Variants in CLCN6 observed in about 807,000 individuals in gnomAD.
The protein encoded by CLCN6 is Cl-/H+ antiporter 6.
A neutral mutation model predicts 109.8 loss-of-function variants in CLCN6; 70 were observed. That is an observed-to-expected ratio of 0.64 (90% confidence interval 0.53 to 0.78). The LOEUF is 0.78. Among genes scored for constraint, CLCN6 ranks in the 30% least tolerant of loss-of-function variants. The pLI is 0.00. For missense variants in CLCN6, 984 were observed against 1,142.3 expected (o/e 0.86, Z 2.00); for synonymous variants, 444 against 447.8 (o/e 0.99, Z 0.11).
intron 2 of CLCN6, among the ~76,000 whole-genome samples, chr1:11,813,061 C>G (rs1644622807): frequency 6.6e-6 from 1 of 152,160 alleles, no homozygotes. Context: ...CCATTCATTC[C>G]CCACTAAGAA....
Position 11,838,462 on chromosome 1 carries a change from C to T in CLCN6, c.2403+20C>T. On this transcript the variant is annotated intron_variant, in intron 21 of 22. Coordinates refer to ENST00000346436, the MANE Select transcript of CLCN6 (RefSeq NM_001286.5). ...ATCGTGGTGAGAAGGGCTGCCCCGG[C>T]CTGTCCCATGCGGAGCTGCCTCTTC... is the stretch of plus-strand genomic sequence containing the variant. The T allele has an allele frequency of 6.2e-7, 1 of 1,613,150 alleles. No homozygotes were observed. Among genetic ancestry groups the T allele is most frequent in the South Asian group, 1.1e-5 (1 of 91,062 alleles).
chr1:11,829,641 C>T (rs1330735990), intron 13 of CLCN6, among the ~76,000 whole-genome samples: 2 of 144,980 alleles, frequency 1.4e-5, no homozygotes, highest in African/African-American at 2.6e-5. Context: ...ACCCTGGCGT[C>T]ACAGAGGGGA....
chr1:11,840,153 T>C lies in CLCN6; in HGVS notation c.2540T>C (p.Ile847Thr). The C allele has an allele frequency of 6.2e-7, 1 of 1,613,902 alleles. No homozygotes were observed. Residue 847 changes from isoleucine (I) to threonine (T), a missense_variant, in exon 23 of 23, where the codon ATC becomes ACC. Coordinates refer to ENST00000346436, the MANE Select transcript of CLCN6 (RefSeq NM_001286.5). ...TTCTCTTTGCCCTAGATCGTGGGGA[T>C]CATCACACGGCACAACCTCACCTAT... Reference protein sequence around the residue: ...VVNAVGEIVGIITRHNLTYEF... With the variant: ...VVNAVGEIVGTITRHNLTYEF...
chr1:11,823,086 AG>A (rs1460655646), intron 6 of CLCN6, among the ~76,000 whole-genome samples: 1 of 152,240 alleles, frequency 6.6e-6, no homozygotes, highest in East Asian at 1.9e-4. Flanking sequence ...CCTGGGTGAC[AG>A]GATCATTCAT....
Position 11,824,475 on chromosome 1 carries a change from A to G in CLCN6, c.581-11A>G. Reference sequence around the variant, plus strand: ...ACTGACTGTTGGTCTTTCCTTTTTCACCCTGCCCAGGGCTCTTCGTGGAGA... The same window carrying G: ...ACTGACTGTTGGTCTTTCCTTTTTCGCCCTGCCCAGGGCTCTTCGTGGAGA... On this transcript the variant is annotated splice_polypyrimidine_tract_variant and intron_variant, in intron 7 of 22. Coordinates refer to ENST00000346436, the MANE Select transcript of CLCN6 (RefSeq NM_001286.5). The G allele has an allele frequency of 6.2e-7, 1 of 1,609,014 alleles. No individual in the cohort carries two copies. The highest frequency in any genetic ancestry group is 8.5e-7 in the Non-Finnish European group (1 of 1,177,266).
chr1:11,824,750 C>T (rs1351762350), intron 8 of CLCN6, among the ~76,000 whole-genome samples, 197 bp downstream of exon 8: 2 of 152,150 alleles, frequency 1.3e-5, no homozygotes, highest in African/African-American at 4.8e-5. Context: ...CCTACCGAGC[C>T]CTAGGAGCAA....
chr1:11,826,350 A>G, intron 9 of CLCN6, 136 bp downstream of exon 9: 1 of 704,560 alleles, frequency 1.4e-6, no homozygotes, highest in Admixed American at 2.6e-5. Context: ...CGGGCTTTGA[A>G]CTTTTCTTCT....
intron 5 of CLCN6, 27 bp downstream of exon 5, chr1:11,819,581 C>T (rs1275731761): frequency 8.7e-6 from 14 of 1,602,734 alleles, no homozygotes; most frequent in African/African-American, 2.7e-5. Flanking sequence ...TCCTGGTGTT[C>T]GTGGACTTCA....
At chr1:11,825,462 A>G (rs1325473404) in intron 8 of CLCN6, among the ~76,000 whole-genome samples, 9 of 152,240 alleles carry the variant, frequency 5.9e-5, no homozygotes, top group Admixed American at 5.2e-4. Context: ...GTCTTCTGCA[A>G]CAGCTTCCGC....
intron 2 of CLCN6, among the ~76,000 whole-genome samples, chr1:11,812,216 G>A (rs764464695): frequency 1.4e-4 from 21 of 152,186 alleles, no homozygotes; most frequent in African/African-American, 4.6e-4. Flanking sequence ...TTGCTAGAGC[G>A]GGTCAGAAAA....
intron 21 of CLCN6, 27 bp downstream of exon 21, chr1:11,838,469 C>T: frequency 6.2e-7 from 1 of 1,610,790 alleles, no homozygotes; most frequent in Non-Finnish European, 8.5e-7. Flanking sequence ...CGGCCTGTCC[C>T]ATGCGGAGCT....
intron 3 of CLCN6, 31 bp from the exon 4 acceptor site, chr1:11,816,583 TA>T (rs776680069): frequency 6.2e-7 from 1 of 1,600,880 alleles, no homozygotes; most frequent in African/African-American, 1.3e-5. Flanking sequence ...CATAACCCTG[TA>T]AACTGAATCA....
chr1:11,836,854 A>G lies in CLCN6; in HGVS notation c.1981-145A>G. 5.8e-6 allele frequency: 5 copies of G among 869,532 alleles called. No individual in the cohort carries two copies. In the South Asian group the frequency reaches 6.9e-5, roughly 12 times the overall value. 53.9% of individuals were successfully genotyped at this position (869,532 alleles called of 1,614,324 possible). A position where few individuals can be genotyped will look rare whatever the true frequency, so the allele number is the denominator to read the frequency against. On this transcript the variant is annotated intron_variant, in intron 18 of 22. Coordinates refer to ENST00000346436, the MANE Select transcript of CLCN6 (RefSeq NM_001286.5). ...CAGGCTCATTTGAACCACCAGCCTG[A>G]GCCACTCTTTTGAACCTCAGCCCCA...
In CLCN6 at chr1:11,827,105, G is replaced by C. The variant is rs1246083817; in HGVS notation, c.724G>C (p.Val242Leu). 5 of 1,613,910 alleles carry C rather than the reference G, an allele frequency of 3.1e-6. No individual in the cohort carries two copies. The highest frequency in any genetic ancestry group is 2.2e-5 in the South Asian group (2 of 91,044). ...TCTCCTCAGAGACAAGAGAGACTTT[G>C]TATCAGCAGGAGCGGCTGCTGGAGT... ...FRSDRDKRDFVSAGAAAGVAA... is the reference protein window; with the variant it reads ...FRSDRDKRDFLSAGAAAGVAA... The change falls in exon 10 of 23, where the codon GTA becomes CTA. Residue 242 changes from valine to leucine, a missense_variant. Physicochemically the swap from Val to Leu is conservative, Grantham distance 32. Transcript: ENST00000346436.
At chr1:11,837,621 A>G in intron 20 of CLCN6, 122 bp downstream of exon 20, 2 of 997,624 alleles carry the variant, frequency 2.0e-6, no homozygotes, top group Admixed American at 2.4e-5. Flanking sequence ...AGAAGTGCAG[A>G]GTGGACTTAG....
chr1:11,833,729 T>G (rs1644908322), intron 14 of CLCN6, 91 bp downstream of exon 14: 1 of 1,581,770 alleles, frequency 6.3e-7, no homozygotes, highest in Non-Finnish European at 8.6e-7. Flanking sequence ...AGACCAGGAC[T>G]TCTTTGTAAC....
At chr1:11,826,493 A>G (rs1476863900) in intron 9 of CLCN6, among the ~76,000 whole-genome samples, 1 of 152,244 alleles carries the variant, frequency 6.6e-6, no homozygotes, top group Non-Finnish European at 1.5e-5. Flanking sequence ...ACAGACAGGC[A>G]TATTCTTAGG....
At chr1:11,817,512 G>C (rs1476265720) in intron 4 of CLCN6, among the ~76,000 whole-genome samples, 2 of 152,204 alleles carry the variant, frequency 1.3e-5, no homozygotes, top group African/African-American at 4.8e-5. Flanking sequence ...GACAAGGCAA[G>C]ATTGGAAACA....
intron 2 of CLCN6, among the ~76,000 whole-genome samples, chr1:11,807,739 A>C (rs1285717144): frequency 2.0e-5 from 3 of 152,122 alleles, no homozygotes; most frequent in Non-Finnish European, 4.4e-5. Flanking sequence ...AAACGTAATA[A>C]AGAAGGTAGA....
Sources: allele counts gnomAD v4.1 joint callset (sites outside exome capture counted in the v4.1 genomes callset), GRCh38; gene constraint gnomAD v4.1.1; transcripts MANE v1.5; gene names NCBI Gene and HGNC (gene_info 2026-07-23, HGNC 2026-07-21).